NLRC3: variants seen among roughly 807,000 people sequenced by gnomAD.
NLRC3 encodes NLR family CARD domain containing 3.
In NLRC3, 87 loss-of-function variants were observed where a neutral mutation model predicts 91.6. That is an observed-to-expected ratio of 0.95 (90% CI 0.80 to 1.14). The LOEUF (loss-of-function observed/expected upper bound fraction) is 1.14, where lower values mean the gene tolerates loss of function less well. Ranked by LOEUF, NLRC3 falls within the 50% of genes most tolerant of loss-of-function variation. The pLI, the probability that NLRC3 is intolerant of heterozygous loss-of-function variation, is 0.00. For synonymous variants in NLRC3, 694 were observed against 625.3 expected (o/e 1.11, Z -1.64); for missense variants, 1,577 against 1,418.6 (o/e 1.11, Z -1.79).
In NLRC3 at chr16:3,548,172, G is replaced by C. The variant is rs776521689; in HGVS notation, c.2734C>G (p.Gln912Glu). 6.3e-7 allele frequency: 1 copy of C among 1,595,910 alleles called. No homozygotes were observed. The highest frequency in any genetic ancestry group is 1.1e-5 in the South Asian group (1 of 87,814). The change falls in exon 15 of 20, where the codon CAA becomes GAA. Residue 912 changes from glutamine (Q) to glutamate (E), a missense_variant. Physicochemically the swap from Gln to Glu is conservative, Grantham distance 29. Transcript: ENST00000359128. ...AGGCTCCTGTTGAGCTGTAGTGCTT[G>C]TCCCAGGGCCTGGGCAGCGCCGGCC... Reference protein sequence around the residue: ...IQAGAAQALGQALQLNRSLTS... With the variant: ...IQAGAAQALGEALQLNRSLTS...
At chr16:3,550,292 T>C (rs2038924285) in intron 11 of NLRC3, 122 bp downstream of exon 11, 1 of 655,506 alleles carries the variant, frequency 1.5e-6, no homozygotes, top group Non-Finnish European at 2.8e-6. Context: ...GGACAGTGTG[T>C]GCCCAGGGTT....
rs747990815 is a variant in NLRC3 at position 3,563,465 on chromosome 16, A to G, written c.1472T>C (p.Phe491Ser). 18 of 1,583,972 alleles carry G rather than the reference A, an allele frequency of 1.1e-5. No homozygotes were observed. Among genetic ancestry groups the G allele is most frequent in the South Asian group, 2.3e-5 (2 of 87,040 alleles). Residue 491 changes from phenylalanine to serine, a missense_variant, in exon 5 of 20, where the codon TTC (phenylalanine) becomes TCC (serine). By Grantham distance (155) the Phe-to-Ser change is radical. Coordinates refer to ENST00000359128, the MANE Select transcript of NLRC3 (RefSeq NM_178844.4). ...GGCTGCGCTCCTGAAATGCGTGAGGAAGCCCAGCCTGGGCCAGGATACGCC... is the reference window on the plus strand; with the variant it reads ...GGCTGCGCTCCTGAAATGCGTGAGGGAGCCCAGCCTGGGCCAGGATACGCC... The part of the protein sequence containing the change: ...ESGVSWPRLG[F>S]LTHFRSAAQR...
intron 8 of NLRC3, among the ~76,000 whole-genome samples, chr16:3,555,580 GT>G (rs201186633): frequency 1.3e-5 from 2 of 151,538 alleles, no homozygotes; most frequent in African/African-American, 2.4e-5. Context: ...AACAGTCAGG[GT>G]TTTTTTTAGA....
chr16:3,556,151 A>G (rs1459011939), intron 8 of NLRC3, among the ~76,000 whole-genome samples: 1 of 149,790 alleles, frequency 6.7e-6, no homozygotes, highest in Non-Finnish European at 1.5e-5. Context: ...CAAAATGGTG[A>G]AAGCTCGTCT....
At chr16:3,576,660 T>C (rs868144537) in intron 1 of NLRC3, among the ~76,000 whole-genome samples, 1 of 140,678 alleles carries the variant, frequency 7.1e-6, no homozygotes, top group African/African-American at 2.5e-5. Context: ...CTTTTCTTTT[T>C]TGTTTTGTTT....
intron 5 of NLRC3, 97 bp from the exon 6 acceptor site, chr16:3,561,885 C>T (rs550190090): frequency 1.6e-5 from 13 of 805,214 alleles, no homozygotes; most frequent in South Asian, 9.7e-5. Flanking sequence ...TCCCATGCAG[C>T]GCTATCACCG....
intron 16 of NLRC3, chr16:3,544,042 C>A: frequency 1.8e-6 from 1 of 558,496 alleles, no homozygotes; most frequent in Non-Finnish European, 3.2e-6. Flanking sequence ...GTTATCCCAA[C>A]TACTGTATGG....
At chr16:3,549,301 G>A (rs151073108) in intron 12 of NLRC3, 76 bp from the exon 13 acceptor site, 16 of 1,065,778 alleles carry the variant, frequency 1.5e-5, no homozygotes, top group Non-Finnish European at 2.1e-5. Flanking sequence ...AGGTGTTTAG[G>A]CTTCTTGAAG....
Position 3,566,692 on chromosome 16 carries a change from T to C in NLRC3, c.-87+551A>G, listed in dbSNP as rs574722700. ...GTAAGCTGAGATCATGCCATTGCAC[T>C]GTAGCCTGGGCAACAAGAACGAAAC... On this transcript the variant is annotated intron_variant, in intron 2 of 19. Transcript: ENST00000359128. 4.7e-5 allele frequency among the ~76,000 whole-genome samples: 7 copies of C among 149,960 alleles called. No individual in the cohort carries two copies. In the South Asian group the frequency reaches 1.5e-3, roughly 32 times the overall value.
chr16:3,573,466 A>C (rs963705877), intron 1 of NLRC3, among the ~76,000 whole-genome samples: 2 of 152,072 alleles, frequency 1.3e-5, no homozygotes, highest in African/African-American at 4.8e-5. Flanking sequence ...TAAACATTCA[A>C]AGGTATGTCA....
intron 7 of NLRC3, 126 bp from the exon 8 acceptor site, chr16:3,557,120 G>A: frequency 1.5e-6 from 1 of 665,906 alleles, no homozygotes; most frequent in Non-Finnish European, 2.7e-6. Context: ...AGGATCTCAT[G>A]TTTGGTGGAA....
chr16:3,552,932 C>G (rs1013408892), intron 9 of NLRC3, among the ~76,000 whole-genome samples: 7 of 152,108 alleles, frequency 4.6e-5, no homozygotes, highest in African/African-American at 1.7e-4. Context: ...GAGCGAGACT[C>G]CGTCTCAAAT....
chr16:3,555,454 CTG>C (rs998573002), intron 8 of NLRC3, among the ~76,000 whole-genome samples: 5 of 152,074 alleles, frequency 3.3e-5, no homozygotes, highest in African/African-American at 9.7e-5. Context: ...TGGGAAGTGA[CTG>C]TTTATGGGTA....
intron 1 of NLRC3, among the ~76,000 whole-genome samples, chr16:3,574,611 C>T (rs957554807): frequency 6.6e-6 from 1 of 152,164 alleles, no homozygotes; most frequent in East Asian, 1.9e-4. Context: ...TGATCAGACA[C>T]CCATCTTTGT....
intron 10 of NLRC3, among the ~76,000 whole-genome samples, chr16:3,551,112 CCCAT>C (rs2038971745): frequency 6.6e-6 from 1 of 151,820 alleles, no homozygotes; most frequent in Non-Finnish European, 1.5e-5. Context: ...CACTCATCCA[CCCAT>C]CCATCCATTT....
chr16:3,576,237 C>G (rs535126376), intron 1 of NLRC3, among the ~76,000 whole-genome samples: 2 of 152,318 alleles, frequency 1.3e-5, no homozygotes, highest in African/African-American at 4.8e-5. Context: ...CAGCCAACAC[C>G]CAGGCTGGCC....
rs2038515811 is a variant in NLRC3, at chr16:3,543,485, G to C, written c.2879C>G (p.Ala960Gly). 17 of 1,613,094 alleles carry C rather than the reference G, an allele frequency of 1.1e-5. No individual in the cohort carries two copies. Among genetic ancestry groups the C allele is most frequent in the Non-Finnish European group, 1.4e-5 (16 of 1,179,580 alleles). ...ALYLQVASIG[A>G]SGAQVLGEAL... The stretch of plus-strand genomic sequence containing the variant: ...TTCCCCTAGCACCTGGGCGCCTGAA[G>C]CACCAATTGAGGCCACCTGGAGACT... Residue 960 changes from alanine to glycine, a missense_variant, in exon 17 of 20, where the codon GCT becomes GGT. Ala to Gly is a moderately conservative substitution (Grantham distance 60). Transcript: ENST00000359128.
chr16:3,554,155 T>C (rs1257720666), intron 9 of NLRC3, 87 bp downstream of exon 9: 9 of 1,032,078 alleles, frequency 8.7e-6, no homozygotes, highest in Non-Finnish European at 1.2e-5. Flanking sequence ...GCCCCATCCA[T>C]TCTTCCTAGC....
chr16:3,542,862 G>C lies in NLRC3; in HGVS notation c.2940-87C>G, dbSNP rs2038479852. On this transcript the variant is annotated intron_variant, in intron 17 of 19. Transcript: ENST00000359128. Reference sequence around the variant, plus strand: ...CTGCGGGTGGGCTTGGGGCTGCTTGGTAGAGGAAACAAGGACTTCAGCAGT... The same window carrying C: ...CTGCGGGTGGGCTTGGGGCTGCTTGCTAGAGGAAACAAGGACTTCAGCAGT... The C allele has an allele frequency of 8.2e-6, 7 of 854,376 alleles. No homozygotes were observed. In the South Asian group the frequency reaches 1.1e-4, roughly 13 times the overall value. 52.9% of individuals were successfully genotyped at this position (854,376 alleles called of 1,614,324 possible). A position where few individuals can be genotyped will look rare whatever the true frequency, so the allele number is the denominator to read the frequency against.
Sources: gnomAD v4.1 joint callset for allele counts (sites outside exome capture counted in the v4.1 genomes callset) on GRCh38, gnomAD v4.1.1 for gene constraint, MANE v1.5 for transcripts, NCBI Gene and HGNC (gene_info 2026-07-23, HGNC 2026-07-21) for gene names.